The following KCNIP4 variants were observed in gnomAD, a reference collection of about 807,000 sequenced individuals.
KCNIP4 encodes the protein potassium voltage-gated channel interacting protein 4.
Under a neutral mutation model 34.0 loss-of-function variants are expected in KCNIP4, and 12 were observed. That is an observed-to-expected ratio of 0.35 (90% CI 0.23 to 0.57). The LOEUF is 0.57. Among genes scored for constraint, KCNIP4 ranks in the 20% least tolerant of loss-of-function variants. The pLI, the probability that KCNIP4 is intolerant of heterozygous loss-of-function variation, is 0.83. For synonymous variants in KCNIP4, 124 were observed against 102.2 expected, an observed-to-expected ratio of 1.21 and a Z score of -1.29; for missense variants, 238 against 311.7, an observed-to-expected ratio of 0.76 and a Z score of 1.78.
intron 1 of KCNIP4, among the ~76,000 whole-genome samples, chr4:21,169,660 TTGTGTGTGTGTGTGTG>T (rs58544791): frequency 1.3e-4 from 18 of 136,298 alleles, no homozygotes; most frequent in East Asian, 6.9e-4. Flanking sequence ...TACTTTATAT[TTGTGTGTGTGTGTGTG>T]TGTGTGTGTG....
At chr4:21,153,775 T>G (rs983930750) in intron 1 of KCNIP4, among the ~76,000 whole-genome samples, 1 of 152,036 alleles carries the variant, frequency 6.6e-6, no homozygotes, top group Non-Finnish European at 1.5e-5. Context: ...AAAGTACAGC[T>G]CCTTGAGCAC....
chr4:21,737,934 C>CA (rs1716106732), intron 1 of KCNIP4, among the ~76,000 whole-genome samples: 2 of 150,494 alleles, frequency 1.3e-5, no homozygotes, highest in African/African-American at 2.5e-5. Context: ...AACACACACA[C>CA]ACAAAAAAAA....
chr4:20,794,363 C>G (rs1713174581), intron 3 of KCNIP4, among the ~76,000 whole-genome samples: 1 of 152,134 alleles, frequency 6.6e-6, no homozygotes. Flanking sequence ...GCTTGCTGGC[C>G]ACTCACCTCC....
rs373667472 is a variant in KCNIP4 at position 21,064,336 on chromosome 4, G to T, written c.62-181627C>A. On this transcript the variant is annotated intron_variant, in intron 1 of 8. Transcript: ENST00000382152. ...CAAACATTCTGTTGAAGTGTTCAAA[G>T]GGAATGCTTTATGATTATTGCTCAA... is the stretch of plus-strand genomic sequence containing the variant. Among the ~76,000 whole-genome samples the T allele has an allele frequency of 6.6e-5, 10 of 151,894 alleles. No individual in the cohort carries two copies. The South Asian group carries it at 2.1e-3, about 32-fold the overall frequency.
At chr4:21,919,120 C>G (rs755455013) in intron 1 of KCNIP4, among the ~76,000 whole-genome samples, 1 of 152,182 alleles carries the variant, frequency 6.6e-6, no homozygotes, top group East Asian at 1.9e-4. Context: ...TCCACTGTCA[C>G]GGTAGAGAGT....
intron 3 of KCNIP4, among the ~76,000 whole-genome samples, chr4:20,764,034 C>G (rs1481254834): frequency 6.6e-6 from 1 of 152,098 alleles, no homozygotes; most frequent in Non-Finnish European, 1.5e-5. Context: ...AGTAGGGTTC[C>G]TGGGTTTAGG....
intron 1 of KCNIP4, among the ~76,000 whole-genome samples, chr4:21,861,656 CA>C (rs59277001): frequency 0.39 from 39,103 of 100,542 alleles, 6,898 homozygotes; most frequent in East Asian, 0.63. Context: ...GACTCCGTCT[CA>C]AAAAAAAAAA....
At chr4:21,892,864 G>T (rs1291191985) in intron 1 of KCNIP4, among the ~76,000 whole-genome samples, 2 of 152,120 alleles carry the variant, frequency 1.3e-5, no homozygotes, top group Non-Finnish European at 2.9e-5. Flanking sequence ...TACAGATTTT[G>T]ATTTCCTAGG....
chr4:20,985,588 T>A (rs1336908013), intron 1 of KCNIP4, among the ~76,000 whole-genome samples: 3 of 152,220 alleles, frequency 2.0e-5, no homozygotes. Context: ...TTTATTAAGC[T>A]GCTACTATGA....
intron 1 of KCNIP4, among the ~76,000 whole-genome samples, chr4:21,221,579 C>T (rs1008090536): frequency 6.6e-6 from 1 of 152,084 alleles, no homozygotes; most frequent in African/African-American, 2.4e-5. Flanking sequence ...GGGAACCGCA[C>T]CCATGATTCA....
chr4:21,685,688 C>T (rs114535367), intron 1 of KCNIP4, among the ~76,000 whole-genome samples: 2 of 152,290 alleles, frequency 1.3e-5, no homozygotes, highest in African/African-American at 2.4e-5. Context: ...TGAGATGTAA[C>T]GTGTCTATGA....
At chr4:21,092,848 T>G (rs1470455803) in intron 1 of KCNIP4, among the ~76,000 whole-genome samples, 1 of 152,192 alleles carries the variant, frequency 6.6e-6, no homozygotes, top group Non-Finnish European at 1.5e-5. Context: ...CATGACTACA[T>G]ATAATATAAT....
At chr4:21,452,047 A>T (rs77507224) in intron 1 of KCNIP4, among the ~76,000 whole-genome samples, 1 of 151,694 alleles carries the variant, frequency 6.6e-6, no homozygotes, top group Non-Finnish European at 1.5e-5. Context: ...TTCCCCCCCA[A>T]CTCCGCCTTC....
chr4:20,772,648 TC>T (rs1756008081), intron 3 of KCNIP4, among the ~76,000 whole-genome samples: 1 of 151,922 alleles, frequency 6.6e-6, no homozygotes, highest in Admixed American at 6.6e-5. Context: ...CTTTCTTTCT[TC>T]TTTTTTTTTT....
intron 1 of KCNIP4, among the ~76,000 whole-genome samples, chr4:21,440,044 G>C (rs572964456): frequency 4.7e-4 from 72 of 152,310 alleles, no homozygotes; most frequent in Non-Finnish European, 9.1e-4. Flanking sequence ...AAAACCCAGT[G>C]AACTTGCTTA....
At chr4:20,768,165 C>T (rs530030992) in intron 3 of KCNIP4, among the ~76,000 whole-genome samples, 8 of 152,244 alleles carry the variant, frequency 5.3e-5, no homozygotes, top group Admixed American at 2.6e-4. Context: ...CTAACCTTTA[C>T]GATGTTTAGA....
At chr4:21,088,015 C>A (rs1338678937) in intron 1 of KCNIP4, among the ~76,000 whole-genome samples, 1 of 152,098 alleles carries the variant, frequency 6.6e-6, no homozygotes, top group Non-Finnish European at 1.5e-5. Context: ...AAATGTTCAT[C>A]GCCTGGACAG....
rs557076748 is a variant in KCNIP4, at chr4:21,117,441, C to T, written c.62-234732G>A. On this transcript the variant is annotated intron_variant, in intron 1 of 8. Coordinates refer to ENST00000382152, the MANE Select transcript of KCNIP4 (RefSeq NM_025221.6). The stretch of plus-strand genomic sequence containing the variant: ...TGCATTAATGCATGACCTCCCCATT[C>T]TCTATTTTTTAATAGATAGGTTCTG... 2.6e-5 allele frequency among the ~76,000 whole-genome samples: 4 copies of T among 151,904 alleles called. No individual in the cohort carries two copies. The South Asian group carries it at 8.3e-4, about 32-fold the overall frequency.
intron 1 of KCNIP4, among the ~76,000 whole-genome samples, chr4:21,519,056 G>A (rs959318596): frequency 1.3e-5 from 2 of 152,044 alleles, no homozygotes; most frequent in Admixed American, 6.6e-5. Context: ...TTTTCCCACG[G>A]TCACGGTTAT....
Sources: allele counts gnomAD v4.1 joint callset (sites outside exome capture counted in the v4.1 genomes callset), GRCh38; gene constraint gnomAD v4.1.1; transcripts MANE v1.5; gene names NCBI Gene and HGNC (gene_info 2026-07-23, HGNC 2026-07-21).